The following DZANK1 variants were observed in gnomAD, a reference collection of about 807,000 sequenced individuals.
DZANK1 encodes the protein double zinc ribbon and ankyrin repeat-containing protein 1.
In DZANK1, 91 loss-of-function variants were observed where a neutral mutation model predicts 94.5. The ratio of observed to expected loss-of-function variants is 0.96; its 90% CI spans 0.81 to 1.15. The LOEUF is 1.15. DZANK1 is among the 50% of genes most tolerant of loss of function. The pLI is 0.00. For synonymous variants in DZANK1, 312 were observed against 325.3 expected (o/e 0.96, Z 0.44); for missense variants, 903 against 916.4 (o/e 0.99, Z 0.19).
At chr20:18,394,263 A>T (rs200197129) in exon 16 of DZANK1, 1 of 1,613,422 alleles carries the variant, frequency 6.2e-7, no homozygotes, top group Middle Eastern at 1.6e-4. Flanking sequence ...CCCCAGCTGG[A>T]CCTGCTGCCG....
intron 13 of DZANK1, among the ~76,000 whole-genome samples, chr20:18,402,347 T>G (rs1022852865): frequency 6.6e-6 from 1 of 152,032 alleles, no homozygotes; most frequent in Non-Finnish European, 1.5e-5. Flanking sequence ...CGATGAGATC[T>G]CAGGAGTTGG....
At chr20:18,400,925 A>G (rs2056640236) in intron 13 of DZANK1, among the ~76,000 whole-genome samples, 2 of 152,150 alleles carry the variant, frequency 1.3e-5, no homozygotes, top group Admixed American at 1.3e-4. Context: ...AGAAGCTACA[A>G]TACAATAGAT....
chr20:18,453,607 T>C (rs2059181901), intron 5 of DZANK1, 124 bp downstream of exon 5: 7 of 684,504 alleles, frequency 1.0e-5, no homozygotes, highest in Non-Finnish European at 1.8e-5. Flanking sequence ...TACAGCATAC[T>C]TTCCTGCCCC....
intron 13 of DZANK1, among the ~76,000 whole-genome samples, chr20:18,400,249 C>A (rs1259728493): frequency 6.6e-6 from 1 of 152,096 alleles, no homozygotes; most frequent in Non-Finnish European, 1.5e-5. Flanking sequence ...GTATAAAGAG[C>A]AGGACAAGGA....
rs77831841 is a variant in DZANK1, at chr20:18,399,317, C to A, written c.1433-691G>T. On this transcript the variant is annotated intron_variant, in intron 13 of 20. Coordinates refer to ENST00000262547, the Ensembl canonical transcript of DZANK1. The stretch of plus-strand genomic sequence containing the variant: ...GATCATGGCTTACCACAGCCTTGAC[C>A]TCCCTTGGCTCAGATGATCCTCCCA... Among the ~76,000 whole-genome samples, 666 of 152,140 alleles carry A rather than the reference C, an allele frequency of 4.4e-3. 6 individuals are homozygous for A. The highest frequency in any genetic ancestry group is 0.015 in the African/African-American group (643 of 41,524).
chr20:18,407,099 G>A (rs758405326), intron 13 of DZANK1, among the ~76,000 whole-genome samples: 9 of 152,208 alleles, frequency 5.9e-5, no homozygotes, highest in Admixed American at 1.3e-4. Flanking sequence ...AGCATCTGTG[G>A]ACATGCTCAA....
intron 2 of DZANK1, among the ~76,000 whole-genome samples, chr20:18,463,694 C>A (rs146061393): frequency 5.6e-4 from 85 of 152,258 alleles, no homozygotes; most frequent in Admixed American, 1.8e-3. Flanking sequence ...TGGGCACATA[C>A]ATTAAAATGT....
intron 10 of DZANK1, among the ~76,000 whole-genome samples, chr20:18,426,724 G>C (rs1377380087): frequency 2.0e-5 from 3 of 152,170 alleles, no homozygotes; most frequent in African/African-American, 4.8e-5. Context: ...ATGGACTATG[G>C]GGTGTGGGAA....
At position 18,405,797 on chromosome 20, in the gene DZANK1, G is replaced by A. The variant is rs184659916; in HGVS notation, c.1432+6849C>T. On this transcript the variant is annotated intron_variant, in intron 13 of 20. Coordinates refer to ENST00000262547, the Ensembl canonical transcript of DZANK1. Reference sequence around the variant, plus strand: ...TGAAAAGAGGCATCGAGAAGGGCAGGAGAGACGGTCTTGAATCACTGATAC... The same window carrying A: ...TGAAAAGAGGCATCGAGAAGGGCAGAAGAGACGGTCTTGAATCACTGATAC... Among the ~76,000 whole-genome samples, 20 of 152,370 alleles carry A rather than the reference G, an allele frequency of 1.3e-4. No homozygotes were observed. The East Asian group carries it at 3.9e-3, about 29-fold the overall frequency.
intron 1 of DZANK1, among the ~76,000 whole-genome samples, chr20:18,465,719 G>A (rs77761575): frequency 0.013 from 2,054 of 152,254 alleles, 20 homozygotes; most frequent in Middle Eastern, 0.041. Flanking sequence ...AATCATTATC[G>A]CCTTTTCCTG....
intron 8 of DZANK1, among the ~76,000 whole-genome samples, chr20:18,437,947 G>A (rs913874459): frequency 2.6e-5 from 4 of 151,996 alleles, no homozygotes; most frequent in South Asian, 2.1e-4. Flanking sequence ...GGCCGGGTGC[G>A]GTGGCTCACG....
chr20:18,388,661 A>G (rs1371653916), intron 19 of DZANK1, among the ~76,000 whole-genome samples: 2 of 152,262 alleles, frequency 1.3e-5, no homozygotes, highest in African/African-American at 4.8e-5. Flanking sequence ...TTGACACAGT[A>G]AACTCTAAGA....
Position 18,415,442 on chromosome 20 carries a change from C to G in DZANK1, c.962G>C (p.Cys321Ser), listed in dbSNP as rs779596211. 7 of 1,521,750 alleles carry G rather than the reference C, an allele frequency of 4.6e-6. No individual in the cohort carries two copies. The East Asian group carries it at 1.5e-4, about 33-fold the overall frequency. 94.3% of individuals were successfully genotyped at this position (1,521,750 alleles called of 1,614,324 possible). Residue 321 changes from cysteine to serine, a missense_variant, in exon 11 of 21, where the codon TGC becomes TCC. By Grantham distance (112) the Cys-to-Ser change is moderately radical. Transcript: ENST00000262547. Reference sequence around the variant, plus strand: ...CGGAGGAGGGGCTTTATCCCCACTGCACATCGACTGGTGAATGAAATGGCA... The same window carrying G: ...CGGAGGAGGGGCTTTATCCCCACTGGACATCGACTGGTGAATGAAATGGCA...
At chr20:18,404,662 G>A (rs2056864309) in intron 13 of DZANK1, among the ~76,000 whole-genome samples, 1 of 152,164 alleles carries the variant, frequency 6.6e-6, no homozygotes, top group Non-Finnish European at 1.5e-5. Flanking sequence ...AACAGAAACT[G>A]CCTGTGATAG....
At chr20:18,425,276 GGCGCAGTGGCTCAA>G (rs1158971157) in intron 10 of DZANK1, among the ~76,000 whole-genome samples, 1 of 152,196 alleles carries the variant, frequency 6.6e-6, no homozygotes, top group African/African-American at 2.4e-5. Context: ...CTTGTCAGAG[GGCGCAGTGGCTCAA>G]GCCTGTAATC....
intron 10 of DZANK1, among the ~76,000 whole-genome samples, chr20:18,424,764 T>C (rs2057960654): frequency 6.6e-6 from 1 of 152,148 alleles, no homozygotes; most frequent in Admixed American, 6.5e-5. Flanking sequence ...TTGCATGTAA[T>C]GCAGCATTAT....
chr20:18,448,997 T>C lies in DZANK1; in HGVS notation c.616A>G (p.Thr206Ala), dbSNP rs755418733. Residue 206 changes from threonine (T) to alanine (A), a missense_variant, in exon 7 of 21, where the codon ACA (threonine) becomes GCA (alanine). Transcript: ENST00000262547. ...TGTGATACTTACTTGAGAAAGTCTGTCTCCCTTTGAATTCTCATTATCTCC... is the reference window on the plus strand; with the variant it reads ...TGTGATACTTACTTGAGAAAGTCTGCCTCCCTTTGAATTCTCATTATCTCC... The C allele has an allele frequency of 1.9e-6, 3 of 1,613,690 alleles. No homozygotes were observed. The South Asian group carries it at 3.3e-5, about 18-fold the overall frequency.
chr20:18,405,588 T>C (rs972996352), intron 13 of DZANK1, among the ~76,000 whole-genome samples: 1 of 152,044 alleles, frequency 6.6e-6, no homozygotes, highest in African/African-American at 2.4e-5. Context: ...ATAAAAGACA[T>C]GAATTTATAC....
intron 13 of DZANK1, among the ~76,000 whole-genome samples, chr20:18,400,935 T>C (rs951420782): frequency 2.0e-5 from 3 of 151,956 alleles, no homozygotes; most frequent in Non-Finnish European, 4.4e-5. Context: ...ATACAATAGA[T>C]CTATACTTCT....
Sources: gnomAD v4.1 joint callset for allele counts (sites outside exome capture counted in the v4.1 genomes callset) on GRCh38, gnomAD v4.1.1 for gene constraint, MANE v1.5 for transcripts, NCBI Gene and HGNC (gene_info 2026-07-23, HGNC 2026-07-21) for gene names.